Variants in NRXN3 observed in about 807,000 individuals in gnomAD.
NRXN3 encodes the protein neurexin 3, also known as neurexin III.
Under a neutral mutation model 137.6 loss-of-function variants are expected in NRXN3, and 32 were observed. The observed-to-expected ratio is 0.23, with a 90% confidence interval of 0.18 to 0.31. The LOEUF is 0.31. Among genes scored for constraint, NRXN3 ranks in the 10% least tolerant of loss-of-function variants. The pLI is 1.00. For missense variants in NRXN3, 1,574 were observed against 2,062.5 expected, an observed-to-expected ratio of 0.76 and a Z score of 4.59; for synonymous variants, 798 against 784.5, an observed-to-expected ratio of 1.02 and a Z score of -0.29.
intron 15 of NRXN3, among the ~76,000 whole-genome samples, chr14:79,421,468 C>G (rs1304483005): frequency 6.6e-6 from 1 of 151,952 alleles, no homozygotes; most frequent in African/African-American, 2.4e-5. Flanking sequence ...ATGTAGATAC[C>G]AGATGGCAAA....
intron 16 of NRXN3, among the ~76,000 whole-genome samples, chr14:79,540,130 A>T (rs74616138): frequency 0.021 from 3,239 of 152,256 alleles, 46 homozygotes; most frequent in East Asian, 0.076. Flanking sequence ...TGTAGTCTGT[A>T]TTCCCTTAAA....
intron 15 of NRXN3, among the ~76,000 whole-genome samples, chr14:79,396,177 A>T (rs1035127074): frequency 6.6e-6 from 1 of 152,096 alleles, no homozygotes; most frequent in Non-Finnish European, 1.5e-5. Flanking sequence ...CCATAAACTG[A>T]AATGAGTAAA....
chr14:79,095,520 A>G (rs1227386795), intron 15 of NRXN3, among the ~76,000 whole-genome samples: 1 of 151,304 alleles, frequency 6.6e-6, no homozygotes, highest in Non-Finnish European at 1.5e-5. Flanking sequence ...ACATTTATTC[A>G]TCTCTGAATG....
intron 4 of NRXN3, among the ~76,000 whole-genome samples, chr14:78,494,997 G>A (rs1007869097): frequency 6.6e-6 from 1 of 151,942 alleles, no homozygotes. Flanking sequence ...ATGGAATATG[G>A]AAGTGTTTGC....
At chr14:79,081,215 A>C (rs549063285) in intron 15 of NRXN3, among the ~76,000 whole-genome samples, 1 of 152,328 alleles carries the variant, frequency 6.6e-6, no homozygotes, top group Admixed American at 6.5e-5. Context: ...CACATACTAA[A>C]ACCAAATGAA....
In NRXN3 at chr14:78,294,352, C is replaced by T. The variant is rs546937479; in HGVS notation, c.728-3479C>T. On this transcript the variant is annotated intron_variant, in intron 3 of 20. Coordinates refer to ENST00000335750, the MANE Select transcript of NRXN3 (RefSeq NM_001330195.2). ...GGCAGATCACCTGAGGTCAGGAGTT[C>T]GAGACCAGCCTGGCTAACATGGCAA... Among the ~76,000 whole-genome samples, 39 of 152,126 alleles carry T rather than the reference C, an allele frequency of 2.6e-4. 1 individual carries two copies. In the South Asian group the frequency reaches 2.9e-3, roughly 11 times the overall value.
chr14:78,173,621 G>A (rs1194149309), intron 1 of NRXN3, among the ~76,000 whole-genome samples: 2 of 107,478 alleles, frequency 1.9e-5, no homozygotes, highest in Admixed American at 1.2e-4. Context: ...CACCCTAGGC[G>A]CACCCCCCCT....
intron 1 of NRXN3, among the ~76,000 whole-genome samples, chr14:78,224,949 G>A (rs2064342001): frequency 8.1e-6 from 1 of 123,582 alleles, no homozygotes; most frequent in Admixed American, 7.5e-5. Context: ...TGTATTTTTA[G>A]TAGAGACGGG....
At chr14:79,290,540 C>T (rs1479541927) in intron 15 of NRXN3, among the ~76,000 whole-genome samples, 1 of 151,900 alleles carries the variant, frequency 6.6e-6, no homozygotes, top group Non-Finnish European at 1.5e-5. Context: ...GCACAGTCAA[C>T]TCATTTAATG....
intron 8 of NRXN3, among the ~76,000 whole-genome samples, chr14:78,789,158 T>TAAAAAGCC: frequency 6.6e-6 from 1 of 152,324 alleles, no homozygotes; most frequent in Non-Finnish European, 1.5e-5. Flanking sequence ...CCACTTGGTC[T>TAAAAAGCC]TCCCTGAATC....
chr14:78,354,923 G>A (rs1241063377), intron 4 of NRXN3, among the ~76,000 whole-genome samples: 2 of 152,160 alleles, frequency 1.3e-5, no homozygotes, highest in African/African-American at 2.4e-5. Flanking sequence ...TCCAGGTTGA[G>A]ACCTGAGTGG....
intron 15 of NRXN3, among the ~76,000 whole-genome samples, chr14:79,221,897 A>G (rs189578469): frequency 6.6e-6 from 1 of 152,268 alleles, no homozygotes; most frequent in African/African-American, 2.4e-5. Context: ...TCTTACGTTT[A>G]AGTCTTTAAT....
At chr14:79,692,685 A>C (rs1263019738) in intron 18 of NRXN3, among the ~76,000 whole-genome samples, 2 of 152,076 alleles carry the variant, frequency 1.3e-5, no homozygotes, top group African/African-American at 4.8e-5. Context: ...TTAACAAAAC[A>C]AAAAACAAAC....
At chr14:79,120,185 T>C (rs2055160400) in intron 15 of NRXN3, among the ~76,000 whole-genome samples, 1 of 152,060 alleles carries the variant, frequency 6.6e-6, no homozygotes, top group Admixed American at 6.6e-5. Context: ...CTTTATTTGA[T>C]ATTTGTGGCC....
At chr14:79,631,528 A>T (rs2098346911) in intron 16 of NRXN3, among the ~76,000 whole-genome samples, 1 of 152,192 alleles carries the variant, frequency 6.6e-6, no homozygotes. Context: ...GTGGCCCCGC[A>T]CTGGGCGCAG....
intron 10 of NRXN3, among the ~76,000 whole-genome samples, chr14:78,911,392 A>C (rs1388406525): frequency 6.6e-6 from 1 of 152,194 alleles, no homozygotes; most frequent in East Asian, 1.9e-4. Flanking sequence ...TCTATATACA[A>C]GTCATGATAA....
intron 20 of NRXN3, among the ~76,000 whole-genome samples, chr14:79,846,333 G>T (rs1603619199): frequency 1.3e-5 from 2 of 152,282 alleles, no homozygotes; most frequent in East Asian, 3.9e-4. Context: ...AATGTCCCAT[G>T]TAAAAAATTC....
chr14:79,765,956 A>C (rs2099054656), intron 19 of NRXN3, among the ~76,000 whole-genome samples: 2 of 152,346 alleles, frequency 1.3e-5, no homozygotes, highest in South Asian at 4.1e-4. Context: ...GTGCATTGAC[A>C]TGTAAAGATG....
intron 15 of NRXN3, among the ~76,000 whole-genome samples, chr14:79,178,370 A>T (rs2062573671): frequency 6.6e-6 from 1 of 152,170 alleles, no homozygotes; most frequent in South Asian, 2.1e-4. Flanking sequence ...CTGATAATTT[A>T]AAATACCATT....
Sources: gnomAD v4.1 joint callset for allele counts (sites outside exome capture counted in the v4.1 genomes callset) on GRCh38, gnomAD v4.1.1 for gene constraint, MANE v1.5 for transcripts, NCBI Gene and HGNC (gene_info 2026-07-23, HGNC 2026-07-21) for gene names.